Variants in MS4A4E observed in about 807,000 individuals in gnomAD.
MS4A4E encodes membrane spanning 4-domains A4E, also known as putative membrane-spanning 4-domains subfamily A member 4E.
In MS4A4E, 23 loss-of-function variants were observed where a neutral mutation model predicts 13.3. That is an observed-to-expected ratio of 1.73 (90% CI 1.25 to 2.45). MS4A4E has a LOEUF of 2.45. Among genes scored for constraint, MS4A4E ranks in the 30% most tolerant of loss-of-function variants. The pLI is 0.00. For synonymous variants in MS4A4E, 36 were observed against 45.6 expected, an observed-to-expected ratio of 0.79 and a Z score of 0.85; for missense variants, 144 against 131.2, an observed-to-expected ratio of 1.10 and a Z score of -0.48.
chr11:60,227,129 A>G (rs200028259), intron 3 of MS4A4E, among the ~76,000 whole-genome samples: 1 of 1,450 alleles, frequency 6.9e-4, no homozygotes, highest in Non-Finnish European at 3.5e-3. Context: ...AGAGAAACTT[A>G]AAAAAAAATA....
chr11:60,239,010 A>G (rs1380170430), intron 1 of MS4A4E, among the ~76,000 whole-genome samples: 3 of 152,254 alleles, frequency 2.0e-5, no homozygotes, highest in Admixed American at 6.5e-5. Context: ...GAATTTTCCT[A>G]GCAGTATTAC....
At chr11:60,226,723 G>A (rs1170184948) in intron 3 of MS4A4E, among the ~76,000 whole-genome samples, 1 of 152,124 alleles carries the variant, frequency 6.6e-6, no homozygotes, top group African/African-American at 2.4e-5. Flanking sequence ...ACTAAGATCA[G>A]GACCAAGGCA....
intron 3 of MS4A4E, among the ~76,000 whole-genome samples, chr11:60,218,559 C>T (rs1010668393): frequency 3.3e-5 from 5 of 152,064 alleles, no homozygotes; most frequent in Non-Finnish European, 2.9e-5. Context: ...CTCAAGCCAG[C>T]CAACGCTTAG....
chr11:60,230,056 GGCA>G lies in MS4A4E; in HGVS notation c.-4_-2del, dbSNP rs1315997426. On this transcript the variant is annotated 5_prime_UTR_variant, in exon 2 of 9. Coordinates refer to ENST00000651255, the MANE Select transcript of MS4A4E (RefSeq NM_001393391.1). Reference sequence around the variant, plus strand: ...GTTCCATTCCTTGCATGGTTGTCATGGCAGCAGAAAAGGTGCTACAATAAGAAA... The same window carrying G: ...GTTCCATTCCTTGCATGGTTGTCATGGCAGAAAAGGTGCTACAATAAGAAA... 1.9e-6 allele frequency: 3 copies of G among 1,582,286 alleles called. No individual in the cohort carries two copies. The highest frequency in any genetic ancestry group is 1.7e-6 in the Non-Finnish European group (2 of 1,168,536).
chr11:60,237,597 G>A (rs573602097), intron 1 of MS4A4E, among the ~76,000 whole-genome samples: 1 of 152,170 alleles, frequency 6.6e-6, no homozygotes, highest in African/African-American at 2.4e-5. Context: ...CCATAACCTC[G>A]TTAGTATCTG....
intron 7 of MS4A4E, among the ~76,000 whole-genome samples, chr11:60,205,444 T>C (rs1437691496): frequency 6.6e-6 from 1 of 152,188 alleles, no homozygotes; most frequent in Non-Finnish European, 1.5e-5. Flanking sequence ...CAAATATAAA[T>C]AATATGTATA....
Position 60,217,762 on chromosome 11 carries a change from C to T in MS4A4E, c.179-3148G>A, listed in dbSNP as rs4486649. Among the ~76,000 whole-genome samples, 228 of 152,278 alleles carry T rather than the reference C, an allele frequency of 1.5e-3. 2 individuals are homozygous for T. Among genetic ancestry groups the T allele is most frequent in the Admixed American group, 0.011 (172 of 15,282 alleles). On this transcript the variant is annotated intron_variant, in intron 3 of 8. Transcript: ENST00000651255. ...CAATACCCTTGTGATTTCCTATGCCCGTCTTTACTTTCATCTCTTAATCCT... is the reference window on the plus strand; with the variant it reads ...CAATACCCTTGTGATTTCCTATGCCTGTCTTTACTTTCATCTCTTAATCCT...
intron 1 of MS4A4E, among the ~76,000 whole-genome samples, chr11:60,240,787 C>T (rs1565131922): frequency 6.6e-6 from 1 of 152,168 alleles, no homozygotes; most frequent in Non-Finnish European, 1.5e-5. Flanking sequence ...AGCATCTAAT[C>T]TTCTCACACA....
chr11:60,224,075 C>G (rs556112009), intron 3 of MS4A4E, among the ~76,000 whole-genome samples: 1 of 152,124 alleles, frequency 6.6e-6, no homozygotes, highest in African/African-American at 2.4e-5. Context: ...CCCTATAATG[C>G]TAGAATAGAT....
intron 6 of MS4A4E, among the ~76,000 whole-genome samples, chr11:60,206,074 A>G (rs1012267989): frequency 1.3e-5 from 2 of 152,174 alleles, no homozygotes; most frequent in Non-Finnish European, 2.9e-5. Flanking sequence ...ATTCCAAGGT[A>G]CTTTCTATGG....
At chr11:60,225,000 C>T (rs199719139) in intron 3 of MS4A4E, 7 of 1,540,274 alleles carry the variant, frequency 4.5e-6, no homozygotes, top group East Asian at 2.4e-5. Flanking sequence ...GCAACATACA[C>T]AAAAATGGGA....
At chr11:60,227,555 T>A (rs573180867) in intron 3 of MS4A4E, among the ~76,000 whole-genome samples, 45 of 150,570 alleles carry the variant, frequency 3.0e-4, no homozygotes, top group African/African-American at 8.0e-4. Context: ...CATCTCAAAA[T>A]ATATATATAT....
At chr11:60,231,054 GTCA>G (rs1489912693) in intron 1 of MS4A4E, among the ~76,000 whole-genome samples, 1 of 152,082 alleles carries the variant, frequency 6.6e-6, no homozygotes, top group Non-Finnish European at 1.5e-5. Context: ...GGAAATAATT[GTCA>G]TCGTGTATTT....
intron 3 of MS4A4E, among the ~76,000 whole-genome samples, chr11:60,225,572 A>G (rs2084330682): frequency 6.6e-6 from 1 of 152,242 alleles, no homozygotes. Flanking sequence ...TTAAAATAGG[A>G]GCTGGAGTAC....
At chr11:60,208,057 A>G (rs1051308716) in intron 6 of MS4A4E, among the ~76,000 whole-genome samples, 4 of 152,202 alleles carry the variant, frequency 2.6e-5, no homozygotes, top group Non-Finnish European at 2.9e-5. Context: ...GGGGAAAAAG[A>G]GCTTTTATTT....
At chr11:60,213,344 T>C (rs1486043345) in intron 4 of MS4A4E, 2 of 1,505,266 alleles carry the variant, frequency 1.3e-6, no homozygotes, top group East Asian at 2.5e-5. Flanking sequence ...TGTGAGAAGA[T>C]GAGATAATCT....
chr11:60,230,004 C>T lies in MS4A4E; in HGVS notation c.52G>A (p.Val18Met). Residue 18 changes from valine to methionine, a missense_variant, in exon 2 of 9, where the codon GTG (valine) becomes ATG (methionine). Around this residue, in one of 3 missense-constraint regions of MS4A4E, gnomAD observed 119 missense variants for 88.7 expected, o/e 1.34. Transcript: ENST00000651255. ...EQTTPGAGPD[V>M]PQLGNIDVIH... ...ACATCTATGTTTCCCAGCTGGGGCA[C>T]ATCAGGGCCAGCCCCTGGAGTGGTC... The T allele has an allele frequency of 3.7e-6, 6 of 1,613,440 alleles. No homozygotes were observed. The highest frequency in any genetic ancestry group is 4.2e-6 in the Non-Finnish European group (5 of 1,179,690).
chr11:60,225,125 C>T lies in MS4A4E; in HGVS notation c.178+3469G>A, dbSNP rs562922627. On this transcript the variant is annotated intron_variant, in intron 3 of 8. Transcript: ENST00000651255. ...ATGATGAAAGCAAAAACTGATTATC[C>T]ACCACAAAAATGGTGCTTATGCCAC... 7.0e-5 allele frequency: 104 copies of T among 1,476,974 alleles called. No homozygotes were observed. In the African/African-American group the frequency reaches 1.3e-3, roughly 18 times the overall value. The allele number at this position is 1,476,974 out of a possible 1,614,324, so 91.5% of individuals were successfully genotyped here.
At chr11:60,209,857 A>G (rs1239631184) in intron 5 of MS4A4E, among the ~76,000 whole-genome samples, 4 of 152,232 alleles carry the variant, frequency 2.6e-5, no homozygotes, top group Non-Finnish European at 5.9e-5. Context: ...GATATGAGTG[A>G]GGCAGACTTA....
Sources: gnomAD v4.1 joint callset for allele counts (sites outside exome capture counted in the v4.1 genomes callset) on GRCh38, gnomAD v4.1.1 for gene constraint, gnomAD v4.1.1 regional missense constraint, MANE v1.5 for transcripts, NCBI Gene and HGNC (gene_info 2026-07-23, HGNC 2026-07-21) for gene names.